TIAM2: variants seen among roughly 807,000 people sequenced by gnomAD.
The protein encoded by TIAM2 is TIAM Rac1 associated GEF 2, also known as rho guanine nucleotide exchange factor TIAM2.
A neutral mutation model predicts 152.9 loss-of-function variants in TIAM2; 80 were observed. The observed-to-expected ratio is 0.52, with a 90% CI of 0.44 to 0.63. The LOEUF is 0.63. Ranked by LOEUF, TIAM2 falls within the 30% of genes least tolerant of loss-of-function variation. The pLI, the probability that TIAM2 is intolerant of heterozygous loss-of-function variation, is 0.00. For missense variants in TIAM2, 1,965 were observed against 2,120.1 expected (o/e 0.93, Z 1.44); for synonymous variants, 804 against 838.0 (o/e 0.96, Z 0.70).
intron 2 of TIAM2, among the ~76,000 whole-genome samples, chr6:155,097,102 G>A (rs1385320405): frequency 6.6e-6 from 1 of 152,186 alleles, no homozygotes; most frequent in African/African-American, 2.4e-5. Context: ...CTGATGATTA[G>A]TGATGCTGAG....
chr6:155,062,386 G>A (rs957435814), intron 1 of TIAM2, among the ~76,000 whole-genome samples: 9 of 152,066 alleles, frequency 5.9e-5, no homozygotes, highest in Non-Finnish European at 1.3e-4. Context: ...TATGGTAGGA[G>A]TATGTTTTAG....
At chr6:155,068,153 C>A (rs1193169485) in intron 1 of TIAM2, among the ~76,000 whole-genome samples, 1 of 152,158 alleles carries the variant, frequency 6.6e-6, no homozygotes, top group Non-Finnish European at 1.5e-5. Context: ...CCACAGGCGC[C>A]AGAGTTTCCA....
intron 2 of TIAM2, among the ~76,000 whole-genome samples, chr6:155,105,736 C>T (rs1778671067): frequency 6.6e-6 from 1 of 152,082 alleles, no homozygotes; most frequent in African/African-American, 2.4e-5. Flanking sequence ...CAGGCATGAG[C>T]CACCGTGCCC....
intron 14 of TIAM2, among the ~76,000 whole-genome samples, chr6:155,206,852 A>G (rs1781607969): frequency 6.6e-6 from 1 of 152,248 alleles, no homozygotes; most frequent in South Asian, 2.1e-4. Context: ...TTAACCAGAT[A>G]CAAATAGATA....
At position 155,137,593 on chromosome 6, in the gene TIAM2, G is replaced by GT. The variant is rs1265372591; in HGVS notation, c.1612dup (p.Tyr538LeufsTer14). 8.8e-6 allele frequency: 14 copies of GT among 1,598,808 alleles called. No homozygotes were observed. The highest frequency in any genetic ancestry group is 1.2e-5 in the Non-Finnish European group (14 of 1,176,558). On this transcript the variant is annotated frameshift_variant, in exon 5 of 27. Transcript: ENST00000682666. LOFTEE classifies it high-confidence loss of function. ...TGGTGGCACGAAGGAAATGGAAACA[G>GT]TACTGGGTAACGCTGAAAGGTGAGT...
chr6:155,188,209 CTT>C (rs759578381), intron 14 of TIAM2, among the ~76,000 whole-genome samples: 31 of 152,212 alleles, frequency 2.0e-4, no homozygotes, highest in African/African-American at 7.2e-4. Flanking sequence ...GCAGTCGACT[CTT>C]AGCTCACCTC....
At position 155,257,189 on chromosome 6, in the gene TIAM2, GCAAA is replaced by G; in HGVS notation, c.*69_*72del. 26 of 535,348 alleles carry G rather than the reference GCAAA, an allele frequency of 4.9e-5. No homozygotes were observed. Among genetic ancestry groups the G allele is most frequent in the Middle Eastern group, 5.8e-4 (1 of 1,724 alleles). 33.2% of individuals were successfully genotyped at this position (535,348 alleles called of 1,614,324 possible). On this transcript the variant is annotated 3_prime_UTR_variant, in exon 27 of 27. Coordinates refer to ENST00000682666, the MANE Select transcript of TIAM2 (RefSeq NM_012454.4). ...TTAAACTGGTGGTAAAGTGGAAATT[GCAAA>G]AAAAAAAAAAAAAAAAAACTGTTCA...
In TIAM2 at chr6:155,127,528, T is replaced by C. The variant is rs1779324090; in HGVS notation, c.-79T>C. The C allele has an allele frequency of 6.6e-6, 3 of 455,480 alleles. No homozygotes were observed. Among genetic ancestry groups the C allele is most frequent in the Non-Finnish European group, 1.3e-5 (3 of 226,712 alleles). 28.2% of individuals were successfully genotyped at this position (455,480 alleles called of 1,614,324 possible). A position where few individuals can be genotyped will look rare whatever the true frequency, so the allele number is the denominator to read the frequency against. On this transcript the variant is annotated 5_prime_UTR_variant, in exon 3 of 27. Coordinates refer to ENST00000682666, the MANE Select transcript of TIAM2 (RefSeq NM_012454.4). ...ACTCACTTTGCGTGCTTGTTAAATGTGCTGTGTTGCTCCCAAGACCATGTA... is the reference window on the plus strand; with the variant it reads ...ACTCACTTTGCGTGCTTGTTAAATGCGCTGTGTTGCTCCCAAGACCATGTA...
At chr6:155,081,557 C>G (rs1778062628) in intron 1 of TIAM2, among the ~76,000 whole-genome samples, 1 of 152,146 alleles carries the variant, frequency 6.6e-6, no homozygotes, top group East Asian at 1.9e-4. Flanking sequence ...CCCTGTCCAG[C>G]CATGGTTAAC....
chr6:155,192,104 T>C (rs2115168101), intron 14 of TIAM2, among the ~76,000 whole-genome samples: 1 of 151,564 alleles, frequency 6.6e-6, no homozygotes, highest in East Asian at 1.9e-4. Flanking sequence ...GAGAAGTAAA[T>C]GTGATGAGGG....
At chr6:155,061,243 A>T (rs1777573538) in intron 1 of TIAM2, among the ~76,000 whole-genome samples, 1 of 147,600 alleles carries the variant, frequency 6.8e-6, no homozygotes, top group Non-Finnish European at 1.5e-5. Flanking sequence ...GTTCATAATG[A>T]TATCACTGAC....
chr6:155,000,565 T>TA (rs1475200312), intron 1 of TIAM2, among the ~76,000 whole-genome samples: 1 of 149,020 alleles, frequency 6.7e-6, no homozygotes, highest in Non-Finnish European at 1.5e-5. Context: ...AAAAAACTGT[T>TA]ACGCTCTCAA....
chr6:155,035,130 C>T (rs755151255), intron 1 of TIAM2, among the ~76,000 whole-genome samples: 7 of 151,832 alleles, frequency 4.6e-5, no homozygotes, highest in East Asian at 1.9e-4. Flanking sequence ...GTTTGATCCA[C>T]GTATGCACTG....
Position 155,165,581 on chromosome 6 carries a change from C to T in TIAM2, c.2361+172C>T, listed in dbSNP as rs540444256. Among the ~76,000 whole-genome samples the T allele has an allele frequency of 2.6e-5, 4 of 152,272 alleles. No homozygotes were observed. The East Asian group carries it at 5.8e-4, about 22-fold the overall frequency. The stretch of plus-strand genomic sequence containing the variant: ...CTGGGAGGGCAAGGCAGGAGGGCCA[C>T]CTGAGCCCAGGACTTCAAGACCAGC... On this transcript the variant is annotated intron_variant, in intron 9 of 26. Coordinates refer to ENST00000682666, the MANE Select transcript of TIAM2 (RefSeq NM_012454.4).
chr6:155,050,932 A>C (rs1231695384), intron 1 of TIAM2, among the ~76,000 whole-genome samples: 2 of 152,052 alleles, frequency 1.3e-5, no homozygotes, highest in Non-Finnish European at 2.9e-5. Flanking sequence ...CTATCTAATC[A>C]CCATAGTTGT....
rs530170290 is a variant in TIAM2 at position 155,107,718 on chromosome 6, A to C, written c.-118+17339A>C. ...CGTTTGTCTTTTTGTCTTAAACTTT[A>C]TGAAAAAGAAATGGAATCCCTTGTA... On this transcript the variant is annotated intron_variant, in intron 2 of 26. Coordinates refer to ENST00000682666, the MANE Select transcript of TIAM2 (RefSeq NM_012454.4). Among the ~76,000 whole-genome samples, 13 of 152,290 alleles carry C rather than the reference A, an allele frequency of 8.5e-5. No homozygotes were observed. The East Asian group carries it at 2.5e-3, about 29-fold the overall frequency.
intron 2 of TIAM2, among the ~76,000 whole-genome samples, chr6:155,097,382 C>A (rs940379057): frequency 6.6e-6 from 1 of 152,176 alleles, no homozygotes; most frequent in Non-Finnish European, 1.5e-5. Context: ...TCTTCTGTCA[C>A]CCTGACTGGA....
chr6:155,245,231 T>C (rs1321635822), intron 18 of TIAM2, among the ~76,000 whole-genome samples: 1 of 152,226 alleles, frequency 6.6e-6, no homozygotes, highest in East Asian at 1.9e-4. Context: ...TAAGCCGCAG[T>C]GTGGCAGGAA....
chr6:155,000,115 A>G (rs1217019056), intron 1 of TIAM2, among the ~76,000 whole-genome samples: 1 of 152,250 alleles, frequency 6.6e-6, no homozygotes, highest in Non-Finnish European at 1.5e-5. Flanking sequence ...CTGTGCATAC[A>G]TCATCTCATT....
Sources: allele counts gnomAD v4.1 joint callset (sites outside exome capture counted in the v4.1 genomes callset), GRCh38; gene constraint gnomAD v4.1.1; transcripts MANE v1.5; gene names NCBI Gene and HGNC (gene_info 2026-07-23, HGNC 2026-07-21).